Variants in SKAP2 observed in about 807,000 individuals in gnomAD.
The protein encoded by SKAP2 is src kinase associated phosphoprotein 2.
SKAP2 carries 28 observed loss-of-function variants against 54.9 expected under a neutral mutation model. The observed-to-expected ratio is 0.51, with a 90% CI of 0.38 to 0.70. The LOEUF (loss-of-function observed/expected upper bound fraction) is 0.70, where lower values mean the gene tolerates loss of function less well. SKAP2 is among the 30% of genes least tolerant of loss of function. The probability of loss-of-function intolerance (pLI) is 0.00; values close to 1 mark genes in which losing one functional copy is unlikely to be tolerated. For synonymous variants in SKAP2, 137 were observed against 134.3 expected (o/e 1.02, Z -0.14); for missense variants, 356 against 424.1 (o/e 0.84, Z 1.41).
chr7:26,789,410 C>T (rs1383086212), intron 4 of SKAP2, among the ~76,000 whole-genome samples: 4 of 152,132 alleles, frequency 2.6e-5, no homozygotes, highest in African/African-American at 9.7e-5. Flanking sequence ...CTTCATGTAA[C>T]CAATTTTGTT....
At chr7:26,705,975 A>G (rs1293294993) in intron 9 of SKAP2, among the ~76,000 whole-genome samples, 1 of 152,206 alleles carries the variant, frequency 6.6e-6, no homozygotes, top group Non-Finnish European at 1.5e-5. Context: ...TGTTGCCAAA[A>G]TTATTTTAAA....
rs139972851 is a variant in SKAP2, at chr7:26,856,442, CTCTT to C, written c.68-1556_68-1553del. 3.3e-3 allele frequency among the ~76,000 whole-genome samples: 506 copies of C among 152,282 alleles called. 6 individuals are homozygous for C. Among genetic ancestry groups the C allele is most frequent in the African/African-American group, 0.011 (466 of 41,568 alleles). ...GAAATGAAAGCAAATGTCACAGCTT[CTCTT>C]TCTTTGAGTTATATTTTGATGTGGG... On this transcript the variant is annotated intron_variant, in intron 1 of 12. Coordinates refer to ENST00000345317, the MANE Select transcript of SKAP2 (RefSeq NM_003930.5).
intron 4 of SKAP2, among the ~76,000 whole-genome samples, chr7:26,799,511 G>A (rs1023596311): frequency 6.6e-6 from 1 of 152,082 alleles, no homozygotes; most frequent in Non-Finnish European, 1.5e-5. Flanking sequence ...AGAGGATTTA[G>A]CAATTTTAAA....
At chr7:26,694,222 C>T (rs1458717324) in intron 9 of SKAP2, among the ~76,000 whole-genome samples, 1 of 151,972 alleles carries the variant, frequency 6.6e-6, no homozygotes, top group African/African-American at 2.4e-5. Flanking sequence ...TAATATATTC[C>T]ATTCAACATT....
Position 26,725,544 on chromosome 7 carries a change from G to A in SKAP2, c.680C>T (p.Pro227Leu). 1 of 1,604,498 alleles carries A rather than the reference G, an allele frequency of 6.2e-7. No homozygotes were observed. Among genetic ancestry groups the A allele is most frequent in the Non-Finnish European group, 8.5e-7 (1 of 1,175,890 alleles). Residue 227 changes from proline to leucine, a missense_variant, in exon 9 of 13, where the codon CCT (proline) becomes CTT (leucine). Transcript: ENST00000345317. ...TTCTCCTCTCTCATCATAATCCTCA[G>A]GAATAATATCAGATTCCATATCTAT... ...VLQDMESDII[P>L]EDYDERGELY...
intron 4 of SKAP2, among the ~76,000 whole-genome samples, chr7:26,763,737 CAT>C (rs1782983529): frequency 6.6e-6 from 1 of 152,110 alleles, no homozygotes; most frequent in African/African-American, 2.4e-5. Context: ...GTATAAACAT[CAT>C]GACACGTACT....
intron 4 of SKAP2, among the ~76,000 whole-genome samples, chr7:26,762,871 C>G (rs1782963555): frequency 6.6e-6 from 1 of 152,164 alleles, no homozygotes; most frequent in Non-Finnish European, 1.5e-5. Flanking sequence ...CATAAATTTG[C>G]AACCCAATTT....
chr7:26,851,557 T>G (rs369438271), intron 3 of SKAP2, among the ~76,000 whole-genome samples: 122 of 151,386 alleles, frequency 8.1e-4, no homozygotes, highest in Admixed American at 2.0e-3. Context: ...CACACACCGG[T>G]GCCTGTTGAG....
Position 26,837,688 on chromosome 7 carries a change from T to C in SKAP2, c.307+6342A>G, listed in dbSNP as rs528508268. Among the ~76,000 whole-genome samples the C allele has an allele frequency of 2.6e-5, 4 of 152,208 alleles. No individual in the cohort carries two copies. In the South Asian group the frequency reaches 8.3e-4, roughly 32 times the overall value. ...TGGGCGGAGATAAATATCCAAACTATATTAGGTGGAGACAGATTTAGCGTT... is the reference window on the plus strand; with the variant it reads ...TGGGCGGAGATAAATATCCAAACTACATTAGGTGGAGACAGATTTAGCGTT... On this transcript the variant is annotated intron_variant, in intron 4 of 12. Transcript: ENST00000345317.
chr7:26,784,490 C>T (rs1000578165), intron 4 of SKAP2, among the ~76,000 whole-genome samples: 5 of 152,228 alleles, frequency 3.3e-5, no homozygotes, highest in African/African-American at 1.2e-4. Context: ...TGCTTCTCAT[C>T]CTGCACTCTA....
intron 6 of SKAP2, among the ~76,000 whole-genome samples, chr7:26,733,547 T>C (rs1787863438): frequency 6.6e-6 from 1 of 152,112 alleles, no homozygotes; most frequent in African/African-American, 2.4e-5. Context: ...AGAAATATGA[T>C]GCTTTTTCAA....
At chr7:26,779,592 C>A (rs1365848825) in intron 4 of SKAP2, among the ~76,000 whole-genome samples, 1 of 151,884 alleles carries the variant, frequency 6.6e-6, no homozygotes, top group African/African-American at 2.4e-5. Flanking sequence ...ATAAAATATA[C>A]TGTTTAAATT....
chr7:26,819,795 ACTAT>A (rs1784354370), intron 4 of SKAP2, among the ~76,000 whole-genome samples: 1 of 152,086 alleles, frequency 6.6e-6, no homozygotes, highest in Admixed American at 6.6e-5. Flanking sequence ...TAAAATAATC[ACTAT>A]CTATATTATA....
At chr7:26,810,608 C>T (rs913811830) in intron 4 of SKAP2, among the ~76,000 whole-genome samples, 17 of 152,184 alleles carry the variant, frequency 1.1e-4, no homozygotes, top group Admixed American at 3.3e-4. Flanking sequence ...AGCTAAATAA[C>T]TTGATTTAGC....
At chr7:26,773,893 G>C (rs1783242295) in intron 4 of SKAP2, among the ~76,000 whole-genome samples, 1 of 152,208 alleles carries the variant, frequency 6.6e-6, no homozygotes, top group Non-Finnish European at 1.5e-5. Context: ...TAAGGCTACT[G>C]TAAGGTATGA....
At chr7:26,783,368 A>G (rs999539005) in intron 4 of SKAP2, among the ~76,000 whole-genome samples, 1 of 151,892 alleles carries the variant, frequency 6.6e-6, no homozygotes. Context: ...TTGGGGAGAA[A>G]AATGTGACTC....
chr7:26,781,252 C>A (rs758192669), intron 4 of SKAP2, among the ~76,000 whole-genome samples: 4 of 152,028 alleles, frequency 2.6e-5, no homozygotes, highest in Non-Finnish European at 5.9e-5. Flanking sequence ...TAGCTTTGAA[C>A]AGAGCAGGGT....
chr7:26,788,422 C>G (rs1255845566), intron 4 of SKAP2, among the ~76,000 whole-genome samples: 1 of 151,332 alleles, frequency 6.6e-6, no homozygotes, highest in Non-Finnish European at 1.5e-5. Flanking sequence ...ACTTAGCATT[C>G]TGAAGGAAAA....
chr7:26,791,366 G>C (rs1358069064), intron 4 of SKAP2, among the ~76,000 whole-genome samples: 1 of 151,770 alleles, frequency 6.6e-6, no homozygotes, highest in Non-Finnish European at 1.5e-5. Context: ...TTTAAGACAG[G>C]GTTCTCACTT....
Sources: gnomAD v4.1 joint callset for allele counts (sites outside exome capture counted in the v4.1 genomes callset) on GRCh38, gnomAD v4.1.1 for gene constraint, MANE v1.5 for transcripts, NCBI Gene and HGNC (gene_info 2026-07-23, HGNC 2026-07-21) for gene names.